Variants in ZBTB20 observed in about 807,000 individuals in gnomAD.
ZBTB20 encodes zinc finger and BTB domain containing 20.
A neutral mutation model predicts 56.9 loss-of-function variants in ZBTB20; 9 were observed. The ratio of observed to expected loss-of-function variants is 0.16; its 90% confidence interval spans 0.10 to 0.28. The LOEUF (loss-of-function observed/expected upper bound fraction) is 0.28, where lower values mean the gene tolerates loss of function less well. Ranked by LOEUF, ZBTB20 falls within the 10% of genes least tolerant of loss-of-function variation. ZBTB20 has a pLI of 1.00. For missense variants in ZBTB20, 655 were observed against 1,003.0 expected (o/e 0.65, Z 4.69); for synonymous variants, 417 against 420.7 (o/e 0.99, Z 0.11).
intron 1 of ZBTB20, among the ~76,000 whole-genome samples, chr3:115,122,756 T>C (rs2084219241): frequency 6.6e-6 from 1 of 152,114 alleles, no homozygotes; most frequent in African/African-American, 2.4e-5. Flanking sequence ...TTTCTATGCA[T>C]TATAGATTAC....
chr3:114,917,285 C>G (rs1267534170), intron 3 of ZBTB20, among the ~76,000 whole-genome samples: 1 of 152,108 alleles, frequency 6.6e-6, no homozygotes, highest in Non-Finnish European at 1.5e-5. Flanking sequence ...TCTATGCTAT[C>G]TTGAATTTTA....
rs552252747 is a variant in ZBTB20 at position 114,535,772 on chromosome 3, CA to C, written c.-294-35382del. 1.4e-3 allele frequency among the ~76,000 whole-genome samples: 206 copies of C among 152,306 alleles called. 2 individuals carry two copies. The highest frequency in any genetic ancestry group is 4.8e-3 in the African/African-American group (199 of 41,548). On this transcript the variant is annotated intron_variant, in intron 6 of 11. Coordinates refer to ENST00000675478, the MANE Select transcript of ZBTB20 (RefSeq NM_001348800.3). ...AATACTGGCAAACCGAATCCAGCAGCACAGCAAAAAGCTTATCCACCACGAT... is the reference window on the plus strand; with the variant it reads ...AATACTGGCAAACCGAATCCAGCAGCCAGCAAAAAGCTTATCCACCACGAT...
intron 1 of ZBTB20, among the ~76,000 whole-genome samples, chr3:115,073,433 C>T (rs751304841): frequency 1.3e-5 from 2 of 152,142 alleles, no homozygotes; most frequent in Admixed American, 6.6e-5. Flanking sequence ...TTCTTATTCC[C>T]GACTCCTACC....
intron 1 of ZBTB20, among the ~76,000 whole-genome samples, chr3:115,133,339 G>A (rs976909323): frequency 2.0e-5 from 3 of 151,566 alleles, no homozygotes; most frequent in Non-Finnish European, 4.4e-5. Flanking sequence ...ATTTCTAATT[G>A]TGTACTTTTG....
intron 6 of ZBTB20, among the ~76,000 whole-genome samples, chr3:114,680,610 T>C (rs2061914238): frequency 6.6e-6 from 1 of 152,250 alleles, no homozygotes; most frequent in Non-Finnish European, 1.5e-5. Flanking sequence ...CATTCACTCC[T>C]GCATGTTTCA....
At chr3:114,647,251 C>T (rs2059898594) in intron 6 of ZBTB20, among the ~76,000 whole-genome samples, 1 of 152,212 alleles carries the variant, frequency 6.6e-6, no homozygotes, top group African/African-American at 2.4e-5. Context: ...AGCCACCAAG[C>T]CCGGCCAAGG....
At chr3:114,556,918 T>A (rs1346899555) in intron 6 of ZBTB20, among the ~76,000 whole-genome samples, 1 of 151,988 alleles carries the variant, frequency 6.6e-6, no homozygotes, top group African/African-American at 2.4e-5. Flanking sequence ...AAAGATCAGA[T>A]TGTGAACTGA....
intron 2 of ZBTB20, among the ~76,000 whole-genome samples, chr3:115,041,548 T>C (rs1056828462): frequency 6.6e-6 from 1 of 152,214 alleles, no homozygotes; most frequent in Non-Finnish European, 1.5e-5. Context: ...TAAATTGGAT[T>C]GTATATTCAT....
chr3:114,430,256 T>C (rs1471817828), intron 7 of ZBTB20, among the ~76,000 whole-genome samples: 1 of 152,216 alleles, frequency 6.6e-6, no homozygotes, highest in Non-Finnish European at 1.5e-5. Context: ...TTTACACAAA[T>C]TAGCTCATTT....
chr3:115,032,948 C>A (rs1406269500), intron 2 of ZBTB20, among the ~76,000 whole-genome samples: 1 of 136,008 alleles, frequency 7.4e-6, no homozygotes, highest in Admixed American at 7.4e-5. Context: ...AACTTTACAA[C>A]CTAAGGAACT....
intron 6 of ZBTB20, among the ~76,000 whole-genome samples, chr3:114,522,013 C>T (rs2046695104): frequency 6.7e-6 from 1 of 150,320 alleles, no homozygotes; most frequent in Non-Finnish European, 1.5e-5. Context: ...TTTCTTAGAG[C>T]ATAGAACAGG....
chr3:114,316,794 T>C lies in ZBTB20; in HGVS notation c.*22211A>G. 3.4e-6 allele frequency: 1 copy of C among 295,524 alleles called. No individual in the cohort carries two copies. Among genetic ancestry groups the C allele is most frequent in the Middle Eastern group, 1.3e-3 (1 of 780 alleles). 18.3% of individuals were successfully genotyped at this position (295,524 alleles called of 1,614,324 possible). On this transcript the variant is annotated 3_prime_UTR_variant, in exon 12 of 12. Coordinates refer to ENST00000675478, the MANE Select transcript of ZBTB20 (RefSeq NM_001348800.3). ...AAGAGAAACCTGGGTTTGGTCATGC[T>C]GGGGGCTGACGTGGCAGTGCCAGGC... is the stretch of plus-strand genomic sequence containing the variant.
intron 4 of ZBTB20, among the ~76,000 whole-genome samples, chr3:114,883,947 A>C: frequency 2.2e-4 from 1 of 4,496 alleles, no homozygotes; most frequent in Non-Finnish European, 2.1e-3. Flanking sequence ...TTTTTTTGAG[A>C]CGGAGTCTCG....
chr3:115,122,170 C>T (rs1041530103), intron 1 of ZBTB20, among the ~76,000 whole-genome samples: 1 of 151,880 alleles, frequency 6.6e-6, no homozygotes, highest in African/African-American at 2.4e-5. Context: ...TATGCTGAAC[C>T]GTCTTAATTT....
In ZBTB20 at chr3:114,531,883, AG is replaced by A. The variant is rs200159536; in HGVS notation, c.-294-31493del. 6.9e-3 allele frequency among the ~76,000 whole-genome samples: 1,043 copies of A among 152,256 alleles called. 10 individuals carry two copies. Among genetic ancestry groups the A allele is most frequent in the African/African-American group, 0.021 (874 of 41,518 alleles). On this transcript the variant is annotated intron_variant, in intron 6 of 11. Coordinates refer to ENST00000675478, the MANE Select transcript of ZBTB20 (RefSeq NM_001348800.3). ...GCATCGCTTCACCCAGGAAGCACACAGGGTTGGGGAATTCCCTCCGTTAGCC... is the reference window on the plus strand; with the variant it reads ...GCATCGCTTCACCCAGGAAGCACACAGGTTGGGGAATTCCCTCCGTTAGCC...
chr3:114,413,143 A>G lies in ZBTB20; in HGVS notation c.-254-24038T>C, dbSNP rs563287548. ...TAAAAAGAATAGGAGAACGTTCAGTATTAATTAAAATAATCATGACATAAG... is the reference window on the plus strand; with the variant it reads ...TAAAAAGAATAGGAGAACGTTCAGTGTTAATTAAAATAATCATGACATAAG... On this transcript the variant is annotated intron_variant, in intron 7 of 11. Transcript: ENST00000675478. 1.2e-4 allele frequency among the ~76,000 whole-genome samples: 19 copies of G among 152,306 alleles called. 1 individual carries two copies. In the South Asian group the frequency reaches 3.7e-3, roughly 30 times the overall value.
intron 6 of ZBTB20, among the ~76,000 whole-genome samples, chr3:114,630,063 C>T (rs983427008): frequency 9.2e-5 from 14 of 152,238 alleles, no homozygotes; most frequent in Non-Finnish European, 1.6e-4. Flanking sequence ...TCGCTTGATT[C>T]CAGGAGGTTG....
chr3:114,915,027 GTTTTC>G (rs147784688), intron 3 of ZBTB20, among the ~76,000 whole-genome samples: 1,938 of 149,938 alleles, frequency 0.013, 40 homozygotes, highest in African/African-American at 0.045. Context: ...GGTTTTCTTT[GTTTTC>G]TTTTCTTTTT....
At chr3:114,437,835 A>C (rs1021353290) in intron 7 of ZBTB20, among the ~76,000 whole-genome samples, 1 of 152,056 alleles carries the variant, frequency 6.6e-6, no homozygotes, top group Non-Finnish European at 1.5e-5. Flanking sequence ...GAGTTATCCA[A>C]AGCATACCTG....
Sources: allele counts gnomAD v4.1 joint callset (sites outside exome capture counted in the v4.1 genomes callset), GRCh38; gene constraint gnomAD v4.1.1; transcripts MANE v1.5; gene names NCBI Gene and HGNC (gene_info 2026-07-23, HGNC 2026-07-21).